The following ROCK2 variants were observed in gnomAD, a reference collection of about 807,000 sequenced individuals.
ROCK2 encodes the protein Rho associated coiled-coil containing protein kinase 2.
A neutral mutation model predicts 195.1 loss-of-function variants in ROCK2; 61 were observed. The ratio of observed to expected loss-of-function variants is 0.31; its 90% CI spans 0.25 to 0.39. The LOEUF is 0.39. Among genes scored for constraint, ROCK2 ranks in the 10% least tolerant of loss-of-function variants. ROCK2 has a pLI of 1.00. For missense variants in ROCK2, 1,109 were observed against 1,637.4 expected, an observed-to-expected ratio of 0.68 and a Z score of 5.57; for synonymous variants, 504 against 545.5, an observed-to-expected ratio of 0.92 and a Z score of 1.06.
At chr2:11,299,318 T>C (rs1452998314) in intron 1 of ROCK2, among the ~76,000 whole-genome samples, 1 of 151,614 alleles carries the variant, frequency 6.6e-6, no homozygotes, top group East Asian at 1.9e-4. Context: ...ATCAAATCAT[T>C]ATACCCACAG....
intron 4 of ROCK2, among the ~76,000 whole-genome samples, chr2:11,236,424 G>A (rs1665207573): frequency 6.6e-6 from 1 of 151,878 alleles, no homozygotes; most frequent in Non-Finnish European, 1.5e-5. Flanking sequence ...CAAGAAGAGG[G>A]AATAAGCCCC....
intron 32 of ROCK2, among the ~76,000 whole-genome samples, chr2:11,191,187 A>G (rs1160701591): frequency 6.6e-6 from 1 of 152,228 alleles, no homozygotes; most frequent in African/African-American, 2.4e-5. Context: ...TCCTTTAGCT[A>G]ACCAAATTCT....
chr2:11,339,052 G>A (rs1361007826), intron 1 of ROCK2, among the ~76,000 whole-genome samples: 1 of 152,162 alleles, frequency 6.6e-6, no homozygotes. Context: ...AAATAGGTGT[G>A]TGCATTTGTC....
intron 5 of ROCK2, among the ~76,000 whole-genome samples, chr2:11,229,917 CGAAA>C (rs1352023018): frequency 1.3e-5 from 2 of 151,824 alleles, no homozygotes; most frequent in East Asian, 3.9e-4. Flanking sequence ...TTACTGTTCA[CGAAA>C]GAAATTACAA....
intron 3 of ROCK2, among the ~76,000 whole-genome samples, chr2:11,266,529 C>A (rs914732646): frequency 6.6e-6 from 1 of 152,136 alleles, no homozygotes; most frequent in South Asian, 2.1e-4. Context: ...ATTGGCAGAT[C>A]CTCTGTGGTA....
chr2:11,260,116 T>C (rs929745242), intron 3 of ROCK2, among the ~76,000 whole-genome samples: 1 of 151,494 alleles, frequency 6.6e-6, no homozygotes, highest in Non-Finnish European at 1.5e-5. Context: ...CCAGCAATGT[T>C]GTTAAATATA....
rs189899919 is a variant in ROCK2 at position 11,243,806 on chromosome 2, A to G, written c.462+5855T>C. On this transcript the variant is annotated intron_variant, in intron 4 of 32. Transcript: ENST00000315872. ...CCTGAAACAAAGAACATAGGTAAAAATTTTAAAAATCTAAATAAAGACTTC... is the reference window on the plus strand; with the variant it reads ...CCTGAAACAAAGAACATAGGTAAAAGTTTTAAAAATCTAAATAAAGACTTC... Among the ~76,000 whole-genome samples, 339 of 152,306 alleles carry G rather than the reference A, an allele frequency of 2.2e-3. 3 individuals carry two copies. The highest frequency in any genetic ancestry group is 7.9e-3 in the African/African-American group (330 of 41,574).
chr2:11,224,336 A>G lies in ROCK2; in HGVS notation c.993T>C (p.Ala331=). The G allele has an allele frequency of 1.9e-6, 3 of 1,612,024 alleles. No individual in the cohort carries two copies. Among genetic ancestry groups the G allele is most frequent in the Non-Finnish European group, 2.5e-6 (3 of 1,179,072 alleles). ...ATGTACATTACCTATCTGTTAAGAA[A>G]GCACAGATGAGATTCTTTGCATGTT... The part of the protein sequence containing the change: ...ISKHAKNLIC[A]FLTDREVRLG... Residue 331 remains alanine (A), a synonymous_variant, in exon 7 of 33, where the codon GCT becomes GCC. Transcript: ENST00000315872.
intron 11 of ROCK2, chr2:11,218,130 C>T (rs1664496896): frequency 4.9e-6 from 1 of 204,106 alleles, no homozygotes; most frequent in Non-Finnish European, 9.7e-6. Flanking sequence ...TAAAAATATA[C>T]AGGCTAATGA....
chr2:11,274,487 C>A (rs1260705506), intron 3 of ROCK2, among the ~76,000 whole-genome samples: 4 of 152,164 alleles, frequency 2.6e-5, no homozygotes, highest in Admixed American at 2.6e-4. Flanking sequence ...CTGACCAATT[C>A]TATGTTAACA....
At chr2:11,217,266 T>G in intron 11 of ROCK2, 97 bp from the exon 12 acceptor site, 1 of 750,048 alleles carries the variant, frequency 1.3e-6, no homozygotes, top group East Asian at 2.6e-5. Context: ...GTCTTTCCAC[T>G]AAACATAATG....
At chr2:11,190,411 T>C (rs1409149880) in intron 32 of ROCK2, among the ~76,000 whole-genome samples, 1 of 151,678 alleles carries the variant, frequency 6.6e-6, no homozygotes, top group Non-Finnish European at 1.5e-5. Context: ...AAATGTACTC[T>C]CAAATAGACC....
chr2:11,309,063 C>T (rs1038739117), intron 1 of ROCK2: 9 of 1,418,626 alleles, frequency 6.3e-6, no homozygotes, highest in South Asian at 5.6e-5. Context: ...ACCAGTAGGC[C>T]GGAGGGAGTC....
intron 3 of ROCK2, among the ~76,000 whole-genome samples, chr2:11,261,481 G>C (rs1305867226): frequency 1.3e-5 from 2 of 152,096 alleles, no homozygotes; most frequent in African/African-American, 4.8e-5. Flanking sequence ...TGAACAGTCA[G>C]ATACAGTGAC....
intron 3 of ROCK2, among the ~76,000 whole-genome samples, chr2:11,282,496 G>C (rs181534825): frequency 3.3e-5 from 5 of 151,292 alleles, no homozygotes; most frequent in South Asian, 2.1e-4. Context: ...AAACAGAATA[G>C]AGAGCCCAGA....
intron 5 of ROCK2, among the ~76,000 whole-genome samples, chr2:11,233,172 C>T (rs1665081156): frequency 6.6e-6 from 1 of 152,180 alleles, no homozygotes; most frequent in Non-Finnish European, 1.5e-5. Flanking sequence ...TATGATTACA[C>T]CACTACACTC....
At chr2:11,237,514 C>T (rs1311139104) in intron 4 of ROCK2, among the ~76,000 whole-genome samples, 2 of 152,178 alleles carry the variant, frequency 1.3e-5, no homozygotes, top group East Asian at 1.9e-4. Context: ...ATACTTTACA[C>T]AGCTAGGGCT....
intron 1 of ROCK2, among the ~76,000 whole-genome samples, chr2:11,327,370 A>C (rs185317515): frequency 6.6e-6 from 1 of 152,214 alleles, no homozygotes; most frequent in Admixed American, 6.5e-5. Flanking sequence ...TGAGGTCCAG[A>C]GTAGCTCCAT....
intron 3 of ROCK2, among the ~76,000 whole-genome samples, chr2:11,274,190 A>T (rs1666748023): frequency 6.6e-6 from 1 of 152,080 alleles, no homozygotes; most frequent in Admixed American, 6.6e-5. Flanking sequence ...AAACTTTACA[A>T]TTTAAGAAAC....
Sources: allele counts gnomAD v4.1 joint callset (sites outside exome capture counted in the v4.1 genomes callset), GRCh38; gene constraint gnomAD v4.1.1; transcripts MANE v1.5; gene names NCBI Gene and HGNC (gene_info 2026-07-23, HGNC 2026-07-21).